The following ODAD2 variants were observed in gnomAD, a reference collection of about 807,000 sequenced individuals.
ODAD2 encodes the protein outer dynein arm docking complex subunit 2, also known as outer dynein arm-docking complex subunit 2.
ODAD2 carries 89 observed loss-of-function variants against 106.8 expected under a neutral mutation model. The ratio of observed to expected loss-of-function variants is 0.83; its 90% CI spans 0.70 to 0.99. The LOEUF (loss-of-function observed/expected upper bound fraction) is 0.99. Among genes scored for constraint, ODAD2 ranks in the 50% least tolerant of loss-of-function variants. The pLI is 0.00. For synonymous variants in ODAD2, 404 were observed against 436.2 expected, an observed-to-expected ratio of 0.93 and a Z score of 0.92; for missense variants, 1,168 against 1,238.5, an observed-to-expected ratio of 0.94 and a Z score of 0.85.
At chr10:27,966,625 C>T (rs1008196743) in intron 9 of ODAD2, among the ~76,000 whole-genome samples, 1 of 152,140 alleles carries the variant, frequency 6.6e-6, no homozygotes, top group African/African-American at 2.4e-5. Context: ...ACAAACTCCA[C>T]CTTAAGAAAT....
At chr10:27,889,996 T>A (rs945800480) in intron 17 of ODAD2, among the ~76,000 whole-genome samples, 2 of 152,006 alleles carry the variant, frequency 1.3e-5, no homozygotes, top group Non-Finnish European at 2.9e-5. Context: ...ATGCAGTGAG[T>A]GCTATGCAAT....
chr10:27,923,751 C>T (rs1844956892), intron 16 of ODAD2, among the ~76,000 whole-genome samples: 2 of 151,788 alleles, frequency 1.3e-5, no homozygotes. Context: ...AGTTCAAGAC[C>T]AGCCTGGACA....
chr10:27,936,660 T>C, intron 15 of ODAD2, 66 bp downstream of exon 15: 1 of 1,562,760 alleles, frequency 6.4e-7, no homozygotes, highest in Non-Finnish European at 8.8e-7. Context: ...TAGAATGGCA[T>C]TAAATGACAA....
At chr10:27,827,951 G>A (rs1837199381) in intron 19 of ODAD2, among the ~76,000 whole-genome samples, 1 of 152,172 alleles carries the variant, frequency 6.6e-6, no homozygotes, top group Non-Finnish European at 1.5e-5. Flanking sequence ...CTAGCAAGCG[G>A]ATTGGCCAGA....
intron 19 of ODAD2, among the ~76,000 whole-genome samples, chr10:27,859,250 T>C (rs1234222981): frequency 1.3e-5 from 2 of 149,852 alleles, no homozygotes; most frequent in Non-Finnish European, 1.5e-5. Context: ...TTAAACATTG[T>C]TACTTAGTTT....
chr10:27,871,808 C>G (rs924800897), intron 17 of ODAD2, among the ~76,000 whole-genome samples: 1 of 152,148 alleles, frequency 6.6e-6, no homozygotes, highest in African/African-American at 2.4e-5. Context: ...CAGCTGTGTT[C>G]TTTGGACTTA....
intron 9 of ODAD2, among the ~76,000 whole-genome samples, chr10:27,962,621 G>A (rs1291277029): frequency 2.0e-5 from 3 of 152,230 alleles, no homozygotes; most frequent in Non-Finnish European, 4.4e-5. Flanking sequence ...ACCATGCAAA[G>A]TGTTGAGTTC....
chr10:27,855,422 A>G (rs935700408), intron 19 of ODAD2, among the ~76,000 whole-genome samples: 2 of 152,194 alleles, frequency 1.3e-5, no homozygotes, highest in Non-Finnish European at 2.9e-5. Context: ...GTTCTATTAA[A>G]TTATTTAATA....
chr10:27,988,943 G>GGAA (rs1164266508), intron 2 of ODAD2, among the ~76,000 whole-genome samples: 1 of 152,112 alleles, frequency 6.6e-6, no homozygotes, highest in Non-Finnish European at 1.5e-5. Context: ...TCTTATAAGA[G>GGAA]GAAGACAGGA....
Position 27,872,355 on chromosome 10 carries a change from C to T in ODAD2, c.2611-9733G>A, listed in dbSNP as rs1473666815. ...AATTAAATACCCTTTATTTCTTTCT[C>T]CTGCCTGATTGCCCTGGCCAGAACT... On this transcript the variant is annotated intron_variant, in intron 17 of 19. Transcript: ENST00000305242. 2.6e-5 allele frequency among the ~76,000 whole-genome samples: 4 copies of T among 151,978 alleles called. No individual in the cohort carries two copies. The East Asian group carries it at 7.7e-4, about 29-fold the overall frequency.
At chr10:27,970,979 T>TAAATAAATAAATAAAA (rs1848812755) in intron 8 of ODAD2, 129 bp downstream of exon 8, 4 of 284,722 alleles carry the variant, frequency 1.4e-5, no homozygotes, top group Middle Eastern at 1.2e-3. Flanking sequence ...CTTAAATAAA[T>TAAATAAATAAATAAAA]AAATAAATAA....
At chr10:27,926,390 T>G (rs1845264571) in intron 16 of ODAD2, among the ~76,000 whole-genome samples, 1 of 150,764 alleles carries the variant, frequency 6.6e-6, no homozygotes, top group African/African-American at 2.4e-5. Context: ...GAGGACATGA[T>G]GGCAGAGGCG....
chr10:27,939,912 G>T lies in ODAD2; in HGVS notation c.2082C>A (p.Ala694=). ...SENEQLQEHC[A]MAIYQCAEDK... ...TTCACTGCACCTGGTAAATGGCCAT[G>T]GCGCAGTGCTCCTGCAGCTGCTCAT... is the stretch of plus-strand genomic sequence containing the variant. The change falls in exon 14 of 20, where the codon GCC becomes GCA. Residue 694 remains alanine, a synonymous_variant. Transcript: ENST00000305242. 1 of 1,603,186 alleles carries T rather than the reference G, an allele frequency of 6.2e-7. No homozygotes were observed. Among genetic ancestry groups the T allele is most frequent in the Non-Finnish European group, 8.5e-7 (1 of 1,174,596 alleles).
At chr10:27,872,131 G>C (rs1330871718) in intron 17 of ODAD2, among the ~76,000 whole-genome samples, 1 of 152,018 alleles carries the variant, frequency 6.6e-6, no homozygotes, top group Non-Finnish European at 1.5e-5. Context: ...GTGAATGGGA[G>C]TTCACTCATG....
At chr10:27,942,686 TTTCTG>T (rs1344810074) in intron 12 of ODAD2, among the ~76,000 whole-genome samples, 1 of 152,204 alleles carries the variant, frequency 6.6e-6, no homozygotes, top group African/African-American at 2.4e-5. Context: ...ATAATTAAAT[TTTCTG>T]TAACATTTTA....
At position 27,983,876 on chromosome 10, in the gene ODAD2, A is replaced by G; in HGVS notation, c.786T>C (p.Ile262=). The change falls in exon 6 of 20, where the codon ATT becomes ATC. Residue 262 remains isoleucine, a synonymous_variant. Transcript: ENST00000305242. ...AAAATACTCCTCCTGCACTGCAAGT[A>G]ATGCACAGAGTCTCACCATCGTGAG... ...VKPHDGETLC[I]TCSAGGVFLN... The G allele has an allele frequency of 6.2e-7, 1 of 1,613,422 alleles. No individual in the cohort carries two copies. The highest frequency in any genetic ancestry group is 8.5e-7 in the Non-Finnish European group (1 of 1,179,836).
chr10:27,965,942 A>G (rs1385570663), intron 9 of ODAD2, among the ~76,000 whole-genome samples: 5 of 152,156 alleles, frequency 3.3e-5, no homozygotes, highest in African/African-American at 1.2e-4. Flanking sequence ...ATATCAATTC[A>G]TTCTCATTTT....
At chr10:27,916,649 AT>A (rs775581654) in intron 16 of ODAD2, among the ~76,000 whole-genome samples, 68 of 152,232 alleles carry the variant, frequency 4.5e-4, no homozygotes, top group Admixed American at 1.1e-3. Context: ...CTTCCACTTA[AT>A]GAATAGTAAT....
intron 9 of ODAD2, 54 bp from the exon 10 acceptor site, chr10:27,961,769 T>G (rs1222097225): frequency 6.7e-7 from 1 of 1,498,320 alleles, no homozygotes; most frequent in Non-Finnish European, 9.1e-7. Context: ...GGAGATCTAT[T>G]AAGACCTACA....
Sources: gnomAD v4.1 joint callset for allele counts (sites outside exome capture counted in the v4.1 genomes callset) on GRCh38, gnomAD v4.1.1 for gene constraint, MANE v1.5 for transcripts, NCBI Gene and HGNC (gene_info 2026-07-23, HGNC 2026-07-21) for gene names.